FAM76A: variants seen among roughly 807,000 people sequenced by gnomAD.
The protein encoded by FAM76A is protein FAM76A.
FAM76A carries 32 observed loss-of-function variants against 46.2 expected under a neutral mutation model. The observed-to-expected ratio is 0.69, with a 90% CI of 0.52 to 0.93. The LOEUF is 0.93. FAM76A is among the 40% of genes least tolerant of loss of function. FAM76A has a pLI of 0.00. For synonymous variants in FAM76A, 137 were observed against 127.0 expected (o/e 1.08, Z -0.53); for missense variants, 274 against 361.5 (o/e 0.76, Z 1.96).
chr1:27,751,384 G>A (rs1175000471), intron 6 of FAM76A, among the ~76,000 whole-genome samples: 3 of 148,918 alleles, frequency 2.0e-5, no homozygotes, highest in Admixed American at 2.0e-4. Flanking sequence ...CTCTTTACTT[G>A]TTGTGGGTTT....
In FAM76A at chr1:27,760,624, C is replaced by T; in HGVS notation, c.*43C>T. On this transcript the variant is annotated 3_prime_UTR_variant, in exon 9 of 9. Transcript: ENST00000373954. ...CCCTAGCAACAGCAAATGGAGTTGT[C>T]CAGGGTTAGGGTTGGAGACCTGGCT... The T allele has an allele frequency of 1.3e-6, 2 of 1,487,946 alleles. No homozygotes were observed. Among genetic ancestry groups the T allele is most frequent in the Admixed American group, 1.9e-5 (1 of 53,954 alleles). 92.2% of individuals were successfully genotyped at this position (1,487,946 alleles called of 1,614,324 possible). A position where few individuals can be genotyped will look rare whatever the true frequency, so the allele number is the denominator to read the frequency against.
chr1:27,753,604 C>T (rs2088364233), intron 6 of FAM76A, among the ~76,000 whole-genome samples: 1 of 152,172 alleles, frequency 6.6e-6, no homozygotes, highest in Non-Finnish European at 1.5e-5. Context: ...TGACAGTCTT[C>T]TCATATGCTT....
intron 6 of FAM76A, among the ~76,000 whole-genome samples, chr1:27,754,397 C>T (rs111429430): frequency 6.6e-6 from 1 of 152,104 alleles, no homozygotes; most frequent in Non-Finnish European, 1.5e-5. Context: ...TGAGCCACCG[C>T]GCCCGGCCTA....
intron 2 of FAM76A, 90 bp downstream of exon 2, chr1:27,727,626 T>A: frequency 1.1e-6 from 1 of 914,116 alleles, no homozygotes; most frequent in Non-Finnish European, 1.8e-6. Flanking sequence ...GATGCTATAA[T>A]CAGTTGCATT....
At chr1:27,746,745 T>G (rs183133022) in intron 5 of FAM76A, among the ~76,000 whole-genome samples, 1 of 152,080 alleles carries the variant, frequency 6.6e-6, no homozygotes, top group African/African-American at 2.4e-5. Context: ...ACAGCAACAA[T>G]AAAAAGAATC....
At chr1:27,757,976 CA>C (rs71716143) in intron 7 of FAM76A, among the ~76,000 whole-genome samples, 24,074 of 118,128 alleles carry the variant, frequency 0.2, 5,169 homozygotes, top group African/African-American at 0.54. Context: ...GACTCCATCT[CA>C]AAAAAAAAAA....
At chr1:27,729,233 G>T (rs1476807520) in intron 2 of FAM76A, among the ~76,000 whole-genome samples, 3 of 150,844 alleles carry the variant, frequency 2.0e-5, no homozygotes, top group Admixed American at 6.6e-5. Context: ...TATGAGACAG[G>T]GTCTCTCTCT....
intron 7 of FAM76A, among the ~76,000 whole-genome samples, chr1:27,757,461 G>A (rs902423033): frequency 2.0e-5 from 3 of 152,040 alleles, no homozygotes; most frequent in Non-Finnish European, 1.5e-5. Context: ...CTGCCTCCCT[G>A]GGTTCAAGTG....
At chr1:27,741,967 G>C (rs974899212) in intron 4 of FAM76A, among the ~76,000 whole-genome samples, 37 of 151,996 alleles carry the variant, frequency 2.4e-4, no homozygotes, top group Non-Finnish European at 5.0e-4. Flanking sequence ...ATTGGAGGTA[G>C]GGTGATCATT....
intron 4 of FAM76A, chr1:27,739,386 G>T: frequency 1.9e-6 from 1 of 522,206 alleles, no homozygotes. Flanking sequence ...AAAACTGGTA[G>T]AATCTTAGTG....
intron 5 of FAM76A, among the ~76,000 whole-genome samples, chr1:27,747,078 A>G (rs1283222612): frequency 6.6e-6 from 1 of 152,082 alleles, no homozygotes; most frequent in Non-Finnish European, 1.5e-5. Context: ...ACTCTCTCTA[A>G]AATTAAAAAA....
At chr1:27,737,877 A>AAG (rs2088079737) in intron 4 of FAM76A, among the ~76,000 whole-genome samples, 1 of 146,386 alleles carries the variant, frequency 6.8e-6, no homozygotes, top group Non-Finnish European at 1.5e-5. Context: ...ACAAAAAAAA[A>AAG]AAAAAAAAAA....
intron 4 of FAM76A, among the ~76,000 whole-genome samples, chr1:27,741,193 A>AT (rs767134759): frequency 0.093 from 10,807 of 116,474 alleles, 1,171 homozygotes; most frequent in East Asian, 0.28. Flanking sequence ...GGGAGATTTG[A>AT]TTTTTTTTTT....
chr1:27,740,464 C>A, intron 4 of FAM76A: 1 of 1,468,560 alleles, frequency 6.8e-7, no homozygotes, highest in East Asian at 2.3e-5. Flanking sequence ...GATAAGAGGT[C>A]GATGGTGGAG....
intron 5 of FAM76A, among the ~76,000 whole-genome samples, chr1:27,748,426 A>G (rs12049348): frequency 0.12 from 17,379 of 143,150 alleles, 2,448 homozygotes; most frequent in African/African-American, 0.34. Context: ...GCCCAGCCAA[A>G]AGAACTTTTT....
intron 6 of FAM76A, among the ~76,000 whole-genome samples, chr1:27,749,927 C>G (rs1378306851): frequency 6.6e-6 from 1 of 152,196 alleles, no homozygotes; most frequent in Non-Finnish European, 1.5e-5. Context: ...TCCTCACTTT[C>G]CTCTCCCCTC....
intron 2 of FAM76A, among the ~76,000 whole-genome samples, chr1:27,729,764 G>T (rs1054202005): frequency 6.6e-6 from 1 of 151,910 alleles, no homozygotes; most frequent in Non-Finnish European, 1.5e-5. Context: ...AGCTCTTTTT[G>T]TGTGTGTGTG....
intron 4 of FAM76A, 45 bp from the exon 5 acceptor site, chr1:27,744,609 T>C (rs761758930): frequency 1.9e-6 from 3 of 1,603,774 alleles, no homozygotes; most frequent in Admixed American, 3.4e-5. Context: ...TTGCAGCCAC[T>C]GCGCTAAATT....
At chr1:27,748,558 T>G (rs1346548438) in intron 5 of FAM76A, among the ~76,000 whole-genome samples, 1 of 11,288 alleles carries the variant, frequency 8.9e-5, no homozygotes, top group Admixed American at 9.2e-4. Flanking sequence ...CTCGGCTCAC[T>G]GCAGGCTCCG....
Sources: allele counts gnomAD v4.1 joint callset (sites outside exome capture counted in the v4.1 genomes callset), GRCh38; gene constraint gnomAD v4.1.1; transcripts MANE v1.5; gene names NCBI Gene and HGNC (gene_info 2026-07-23, HGNC 2026-07-21).